The following SGK1 variants were observed in gnomAD, a reference collection of about 807,000 sequenced individuals.
SGK1 encodes the protein serum/glucocorticoid regulated kinase 1.
A neutral mutation model predicts 64.2 loss-of-function variants in SGK1; 26 were observed. The observed-to-expected ratio is 0.40, with a 90% confidence interval of 0.30 to 0.56. The LOEUF is 0.56. SGK1 is among the 20% of genes least tolerant of loss of function. The probability of loss-of-function intolerance (pLI) is 0.38; values close to 1 mark genes in which losing one functional copy is unlikely to be tolerated. For synonymous variants in SGK1, 265 were observed against 239.7 expected, an observed-to-expected ratio of 1.11 and a Z score of -0.98; for missense variants, 519 against 645.6, an observed-to-expected ratio of 0.80 and a Z score of 2.12.
chr6:134,260,666 C>CAAAAAAAAAAAA (rs5880209), intron 2 of SGK1: 1 of 125,106 alleles, frequency 8.0e-6, no homozygotes, highest in Non-Finnish European at 1.7e-5. Context: ...GAGTGAAACT[C>CAAAAAAAAAAAA]AAAAAAAAAA....
intron 3 of SGK1, chr6:134,177,908 G>C: frequency 1.4e-6 from 2 of 1,424,756 alleles, no homozygotes; most frequent in East Asian, 2.5e-5. Flanking sequence ...AAGGGAGCAA[G>C]CTGCAAAGTT....
At chr6:134,261,743 T>C in intron 2 of SGK1, 190 bp downstream of exon 2, 1 of 625,368 alleles carries the variant, frequency 1.6e-6, no homozygotes, top group Non-Finnish European at 2.8e-6. Flanking sequence ...AAAGCTGCTC[T>C]AAAATATAAA....
intron 3 of SGK1, among the ~76,000 whole-genome samples, chr6:134,207,008 A>C (rs563826917): frequency 6.6e-6 from 1 of 151,858 alleles, no homozygotes; most frequent in African/African-American, 2.4e-5. Context: ...GGCGAATCAC[A>C]AGGTCAGGAG....
Position 134,170,119 on chromosome 6 carries a change from A to G in SGK1, c.*149T>C. The G allele has an allele frequency of 1.7e-6, 1 of 583,074 alleles. No individual in the cohort carries two copies. The highest frequency in any genetic ancestry group is 3.0e-5 in the South Asian group (1 of 33,668). The allele number at this position is 583,074 out of a possible 1,614,324, so 36.1% of individuals were successfully genotyped here. On this transcript the variant is annotated 3_prime_UTR_variant, in exon 14 of 14. Coordinates refer to ENST00000367858, the MANE Select transcript of SGK1 (RefSeq NM_001143676.3). ...AGAATGTGCTCTTCAAAAAGCTTCCAGCGAACAGTGTGCAATAAGATTGCT... is the reference window on the plus strand; with the variant it reads ...AGAATGTGCTCTTCAAAAAGCTTCCGGCGAACAGTGTGCAATAAGATTGCT...
At chr6:134,298,668 T>C in intron 1 of SGK1, 2 of 1,326,342 alleles carry the variant, frequency 1.5e-6, no homozygotes. Context: ...GGACAACTTG[T>C]AGGACTTCTG....
intron 2 of SGK1, among the ~76,000 whole-genome samples, chr6:134,248,111 G>C (rs900293001): frequency 6.6e-6 from 1 of 151,966 alleles, no homozygotes. Context: ...GTTCACATAA[G>C]CTATTTTTTT....
chr6:134,235,541 TTTTATTTATTTATTTA>T (rs368701386), intron 2 of SGK1, among the ~76,000 whole-genome samples: 2 of 92,122 alleles, frequency 2.2e-5, no homozygotes, highest in African/African-American at 4.4e-5. Flanking sequence ...AAATAGATAT[TTTTATTTATTTATTTA>T]TTTATTTATT....
At chr6:134,200,808 G>T (rs1283398790) in intron 3 of SGK1, among the ~76,000 whole-genome samples, 1 of 152,042 alleles carries the variant, frequency 6.6e-6, no homozygotes, top group Non-Finnish European at 1.5e-5. Context: ...TGGGGCTGAG[G>T]CAGGAGGATC....
At chr6:134,208,107 T>G (rs1053460229) in intron 2 of SGK1, among the ~76,000 whole-genome samples, 1 of 152,118 alleles carries the variant, frequency 6.6e-6, no homozygotes, top group African/African-American at 2.4e-5. Context: ...AGACGGGGTT[T>G]CACCATGTTG....
At chr6:134,309,163 C>A (rs1023758672) in intron 1 of SGK1, among the ~76,000 whole-genome samples, 1 of 152,196 alleles carries the variant, frequency 6.6e-6, no homozygotes, top group Non-Finnish European at 1.5e-5. Context: ...ATAGAAGATT[C>A]CTCTACTGCT....
In SGK1 at chr6:134,170,218, A is replaced by G. The variant is rs1774967148; in HGVS notation, c.*50T>C. The G allele has an allele frequency of 2.0e-6, 3 of 1,516,062 alleles. No individual in the cohort carries two copies. The highest frequency in any genetic ancestry group is 1.8e-6 in the Non-Finnish European group (2 of 1,114,100). 93.9% of individuals were successfully genotyped at this position (1,516,062 alleles called of 1,614,324 possible). On this transcript the variant is annotated 3_prime_UTR_variant, in exon 14 of 14. Coordinates refer to ENST00000367858, the MANE Select transcript of SGK1 (RefSeq NM_001143676.3). The stretch of plus-strand genomic sequence containing the variant: ...GCGGCTCCACCAAAAGGCTAACTAA[A>G]ACATTCGGAAACACACATAAAATCC...
intron 3 of SGK1, among the ~76,000 whole-genome samples, chr6:134,182,616 A>G (rs1161295075): frequency 6.6e-6 from 1 of 152,214 alleles, no homozygotes; most frequent in East Asian, 1.9e-4. Flanking sequence ...AAGTACAAAC[A>G]ACACTGTCGC....
chr6:134,242,492 A>G (rs1300878069), intron 2 of SGK1, among the ~76,000 whole-genome samples: 1 of 152,138 alleles, frequency 6.6e-6, no homozygotes, highest in Non-Finnish European at 1.5e-5. Flanking sequence ...TCTCAAAAAA[A>G]AAAAAGAATT....
chr6:134,308,647 C>A (rs1777568918), intron 1 of SGK1, among the ~76,000 whole-genome samples: 1 of 152,134 alleles, frequency 6.6e-6, no homozygotes, highest in Non-Finnish European at 1.5e-5. Context: ...ACCTCCACCC[C>A]CCGGGTTCAA....
chr6:134,269,357 G>C (rs9493877), intron 1 of SGK1, among the ~76,000 whole-genome samples: 17,357 of 146,892 alleles, frequency 0.12, 2,134 homozygotes, highest in African/African-American at 0.2. Flanking sequence ...AGTCAGCCCA[G>C]TTTTCTAGTG....
At chr6:134,284,390 C>T (rs756267037) in intron 1 of SGK1, among the ~76,000 whole-genome samples, 9 of 152,280 alleles carry the variant, frequency 5.9e-5, no homozygotes, top group East Asian at 1.9e-4. Context: ...CCACTGCAGC[C>T]GGCCCATCAC....
intron 1 of SGK1, among the ~76,000 whole-genome samples, chr6:134,313,399 A>G (rs1052213673): frequency 7.2e-5 from 11 of 152,270 alleles, no homozygotes; most frequent in South Asian, 6.2e-4. Context: ...ATACAGAGTC[A>G]AAATGGAACG....
At chr6:134,262,373 T>C (rs1181119908) in intron 1 of SGK1, among the ~76,000 whole-genome samples, 4 of 152,120 alleles carry the variant, frequency 2.6e-5, no homozygotes, top group Non-Finnish European at 4.4e-5. Flanking sequence ...GCTGAGTCTG[T>C]CTCCGCATTT....
intron 2 of SGK1, among the ~76,000 whole-genome samples, chr6:134,255,563 A>C (rs1228894131): frequency 6.8e-6 from 1 of 148,090 alleles, no homozygotes; most frequent in Admixed American, 7.0e-5. Context: ...AAACAAAGGC[A>C]AGAGATTTTG....
Sources: gnomAD v4.1 joint callset for allele counts (sites outside exome capture counted in the v4.1 genomes callset) on GRCh38, gnomAD v4.1.1 for gene constraint, MANE v1.5 for transcripts, NCBI Gene and HGNC (gene_info 2026-07-23, HGNC 2026-07-21) for gene names.